Variants in RAPH1 observed in about 807,000 individuals in gnomAD.
RAPH1 encodes ras-associated and pleckstrin homology domains-containing protein 1.
A neutral mutation model predicts 88.1 loss-of-function variants in RAPH1; 18 were observed. The observed-to-expected ratio is 0.20, with a 90% confidence interval of 0.14 to 0.30. The LOEUF (loss-of-function observed/expected upper bound fraction) is 0.30, where lower values mean the gene tolerates loss of function less well. Among genes scored for constraint, RAPH1 ranks in the 10% least tolerant of loss-of-function variants. The probability of loss-of-function intolerance (pLI) is 1.00; values close to 1 mark genes in which losing one functional copy is unlikely to be tolerated. For synonymous variants in RAPH1, 587 were observed against 559.0 expected (o/e 1.05, Z -0.71); for missense variants, 1,448 against 1,543.2 (o/e 0.94, Z 1.03).
chr2:203,496,357 T>C (rs545945501), intron 1 of RAPH1, among the ~76,000 whole-genome samples: 36 of 121,412 alleles, frequency 3.0e-4, no homozygotes, highest in African/African-American at 9.4e-4. Flanking sequence ...AAACTCCGTC[T>C]CAAAAAATAA....
rs1018817302 is a variant in RAPH1, at chr2:203,489,726, C to T, written c.590G>A (p.Ser197Asn). The T allele has an allele frequency of 3.7e-6, 6 of 1,614,062 alleles. No individual in the cohort carries two copies. The highest frequency in any genetic ancestry group is 2.7e-5 in the African/African-American group (2 of 74,918). Residue 197 changes from serine to asparagine, a missense_variant, in exon 4 of 14, where the codon AGT becomes AAT. Transcript: ENST00000319170. ...HRRTASAGTV[S>N]DAEVHSISNS... ...ACTAATAGAGTGTACTTCAGCATCA[C>T]TCACTGTGCCTGCTGACGCGGTTCT...
In RAPH1 at chr2:203,436,506, A is replaced by G. The variant is rs1185541235; in HGVS notation, c.*2931T>C. 6.6e-6 allele frequency: 1 copy of G among 152,250 alleles called. No homozygotes were observed. Among genetic ancestry groups the G allele is most frequent in the Non-Finnish European group, 1.5e-5 (1 of 68,040 alleles). The allele number at this position is 152,250 out of a possible 1,614,324, so 9.4% of individuals were successfully genotyped here. On this transcript the variant is annotated 3_prime_UTR_variant, in exon 14 of 14. Transcript: ENST00000319170. ...TACTGAGAATAGATTCTGCTGCCCT[A>G]CAGCATTGGTGCCAAAACTCTAAGC... is the stretch of plus-strand genomic sequence containing the variant.
At chr2:203,495,168 T>TG in intron 2 of RAPH1, 66 bp downstream of exon 2, 10 of 1,582,026 alleles carry the variant, frequency 6.3e-6, no homozygotes, top group Non-Finnish European at 8.7e-6. Flanking sequence ...TATCCTCTTC[T>TG]GCACATTAAA....
intron 8 of RAPH1, 42 bp from the exon 9 acceptor site, chr2:203,455,622 A>G (rs1581270180): frequency 1.3e-6 from 2 of 1,590,678 alleles, no homozygotes; most frequent in African/African-American, 1.3e-5. Flanking sequence ...TGATCGTTGG[A>G]TTCTCAGAAC....
chr2:203,510,020 CCT>C (rs1689266234), intron 1 of RAPH1, among the ~76,000 whole-genome samples: 4 of 152,062 alleles, frequency 2.6e-5, no homozygotes, highest in Admixed American at 2.6e-4. Flanking sequence ...GCCAATTAAA[CCT>C]CTTTTACTTA....
chr2:203,437,619 A>G lies in RAPH1; in HGVS notation c.*1818T>C, dbSNP rs1041299770. The G allele has an allele frequency of 6.5e-6, 1 of 152,694 alleles. No homozygotes were observed. The highest frequency in any genetic ancestry group is 1.5e-5 in the Non-Finnish European group (1 of 68,424). The allele number at this position is 152,694 out of a possible 1,614,324, so 9.5% of individuals were successfully genotyped here. On this transcript the variant is annotated 3_prime_UTR_variant, in exon 14 of 14. Coordinates refer to ENST00000319170, the MANE Select transcript of RAPH1 (RefSeq NM_213589.3). Reference sequence around the variant, plus strand: ...TCCATAACCACATGAACATAACCGAACAATATTCTGGAGATGTAGCAATGG... The same window carrying G: ...TCCATAACCACATGAACATAACCGAGCAATATTCTGGAGATGTAGCAATGG...
Position 203,435,764 on chromosome 2 carries a change from GTTT to G in RAPH1, c.*3670_*3672del, listed in dbSNP as rs897521706. The G allele has an allele frequency of 3.9e-5, 6 of 152,244 alleles. No individual in the cohort carries two copies. Among genetic ancestry groups the G allele is most frequent in the African/African-American group, 1.4e-4 (6 of 41,538 alleles). 9.4% of individuals were successfully genotyped at this position (152,244 alleles called of 1,614,324 possible). ...TGGTAATGTACAAAAATAGGAATGG[GTTT>G]TTTACCTGTTTAAAGTCACTTTGTG... On this transcript the variant is annotated 3_prime_UTR_variant, in exon 14 of 14. Transcript: ENST00000319170.
intron 4 of RAPH1, among the ~76,000 whole-genome samples, chr2:203,488,965 A>C (rs947179771): frequency 2.6e-5 from 4 of 152,096 alleles, no homozygotes; most frequent in African/African-American, 7.2e-5. Flanking sequence ...CTCTACTAAA[A>C]ATATGAAAAT....
intron 1 of RAPH1, among the ~76,000 whole-genome samples, chr2:203,512,384 AAAAC>A (rs1236842462): frequency 3.3e-5 from 5 of 151,838 alleles, no homozygotes; most frequent in Admixed American, 6.6e-5. Context: ...CAAAAAACAA[AAAAC>A]AAACAAATTC....
chr2:203,441,264 T>TGGAGGGGGTGGTGGAGGA lies in RAPH1; in HGVS notation c.1908_1925dup (p.Pro643_Pro648dup). ...TGGGGAGTGGGGGAGGAGGGGGTGG[T>TGGAGGGGGTGGTGGAGGA]GGAGGGGGTGGTGGAGGAGGAGGTG... On this transcript the variant is annotated inframe_insertion, in exon 14 of 14. Transcript: ENST00000319170. 3.1e-5 allele frequency: 5 copies of TGGAGGGGGTGGTGGAGGA among 161,082 alleles called. No individual in the cohort carries two copies. The highest frequency in any genetic ancestry group is 4.6e-5 in the Non-Finnish European group (5 of 108,374). The allele number at this position is 161,082 out of a possible 1,614,324, so 10.0% of individuals were successfully genotyped here.
chr2:203,480,639 T>C lies in RAPH1; in HGVS notation c.732+8945A>G, dbSNP rs1270970529. ...ATAAAGAAATGGCCTTGTACCAAAG[T>C]AGTGGTTACAAATAAAACACTTCCT... On this transcript the variant is annotated intron_variant, in intron 4 of 13. Transcript: ENST00000319170. 2.6e-5 allele frequency among the ~76,000 whole-genome samples: 4 copies of C among 152,212 alleles called. No individual in the cohort carries two copies. The East Asian group carries it at 7.7e-4, about 29-fold the overall frequency.
intron 2 of RAPH1, among the ~76,000 whole-genome samples, chr2:203,492,152 T>C (rs997870928): frequency 1.3e-5 from 2 of 149,602 alleles, no homozygotes; most frequent in Non-Finnish European, 3.0e-5. Flanking sequence ...GAGAATCGCT[T>C]AAGCCTGAGA....
intron 4 of RAPH1, among the ~76,000 whole-genome samples, chr2:203,469,525 A>G (rs1407910132): frequency 6.6e-6 from 1 of 152,228 alleles, no homozygotes; most frequent in East Asian, 1.9e-4. Flanking sequence ...CCATAACTGT[A>G]TATTTTTCAG....
At position 203,448,049 on chromosome 2, in the gene RAPH1, C is replaced by T. The variant is rs969496309; in HGVS notation, c.1543G>A (p.Glu515Lys). 1 of 1,613,828 alleles carries T rather than the reference C, an allele frequency of 6.2e-7. No homozygotes were observed. The highest frequency in any genetic ancestry group is 1.3e-5 in the African/African-American group (1 of 75,026). ...GCTGACTCTGTCCTCTTCAAGGCTT[C>T]TTGGTAGTTCATATAGAGCTGCTTC... ...YGKQLYMNYQ[E>K]ALKRTESAYD... The change falls in exon 12 of 14, where the codon GAA (glutamate) becomes AAA (lysine). Residue 515 changes from glutamate to lysine, a missense_variant. Physicochemically the swap from Glu to Lys is moderately conservative, Grantham distance 56. Around this residue, in one of 2 missense-constraint regions of RAPH1, gnomAD observed 513 missense variants for 653.1 expected, o/e 0.79. Coordinates refer to ENST00000319170, the MANE Select transcript of RAPH1 (RefSeq NM_213589.3). The surrounding 1 kb of genome is among the most constrained non-coding windows in gnomAD (Gnocchi z 4.1).
Position 203,461,842 on chromosome 2 carries a change from T to A in RAPH1, c.810+6A>T. ...ATCCCAAACCAGGAAGAGGCCCACA[T>A]ATCACCTTTTTCACTTGTGCCTCTT... On this transcript the variant is annotated splice_donor_region_variant and intron_variant, in intron 5 of 13. Coordinates refer to ENST00000319170, the MANE Select transcript of RAPH1 (RefSeq NM_213589.3). The A allele has an allele frequency of 1.2e-6, 2 of 1,600,192 alleles. No homozygotes were observed. Among genetic ancestry groups the A allele is most frequent in the East Asian group, 4.5e-5 (2 of 44,370 alleles).
In RAPH1 at chr2:203,455,449, T is replaced by C; in HGVS notation, c.1290A>G (p.Lys430=). ...LRASGIYYVP[K]GKAKVSRDLV... Reference sequence around the variant, plus strand: ...AGAAGGGACACACCTTTGCTTTTCCTTTGGGAACATAGTAGATACCAGATG... The same window carrying C: ...AGAAGGGACACACCTTTGCTTTTCCCTTGGGAACATAGTAGATACCAGATG... The change falls in exon 9 of 14, where the codon AAA becomes AAG. Residue 430 remains lysine, a synonymous_variant. Transcript: ENST00000319170. The C allele has an allele frequency of 6.2e-7, 1 of 1,612,964 alleles. No homozygotes were observed. Among genetic ancestry groups the C allele is most frequent in the Non-Finnish European group, 8.5e-7 (1 of 1,179,616 alleles).
intron 13 of RAPH1, chr2:203,442,082 T>C (rs1376404462): frequency 6.3e-7 from 1 of 1,596,602 alleles, no homozygotes; most frequent in African/African-American, 1.4e-5. Context: ...TTTGTTTTAC[T>C]GGAAAATACA....
At chr2:203,479,183 T>C (rs1687607350) in intron 4 of RAPH1, among the ~76,000 whole-genome samples, 1 of 152,260 alleles carries the variant, frequency 6.6e-6, no homozygotes, top group Non-Finnish European at 1.5e-5. Flanking sequence ...CTTTGTACTA[T>C]TCTTTAAAGG....
Position 203,504,208 on chromosome 2 carries a change from C to T in RAPH1, c.1-8855G>A, listed in dbSNP as rs537313490. Among the ~76,000 whole-genome samples, 9 of 152,344 alleles carry T rather than the reference C, an allele frequency of 5.9e-5. No individual in the cohort carries two copies. In the South Asian group the frequency reaches 1.0e-3, roughly 18 times the overall value. ...GGGCCCCAACCCCACATTTCCCTTC[C>T]GCACTGTCCCAGGAGAGGTTCTCCA... On this transcript the variant is annotated intron_variant, in intron 1 of 13. Coordinates refer to ENST00000319170, the MANE Select transcript of RAPH1 (RefSeq NM_213589.3).
Sources: allele counts gnomAD v4.1 joint callset (sites outside exome capture counted in the v4.1 genomes callset), GRCh38; gene constraint gnomAD v4.1.1; regional missense constraint gnomAD v4.1.1; non-coding constraint Gnocchi (gnomAD v3.1); transcripts MANE v1.5; gene names NCBI Gene and HGNC (gene_info 2026-07-23, HGNC 2026-07-21).